The following ELOC variants were observed in gnomAD, a reference collection of about 807,000 sequenced individuals.
ELOC encodes elongin-C.
For synonymous variants in ELOC, 40 were observed against 51.3 expected (o/e 0.78, Z 0.94); for missense variants, 38 against 139.0 (o/e 0.27, Z 3.65).
chr8:73,962,071 T>C (rs958977603), intron 1 of ELOC, among the ~76,000 whole-genome samples: 1 of 150,668 alleles, frequency 6.6e-6, no homozygotes, highest in African/African-American at 2.4e-5. Flanking sequence ...AATTTTTGTA[T>C]TTTCAGTAGA....
intron 1 of ELOC, among the ~76,000 whole-genome samples, chr8:73,964,093 CAA>C (rs61094442): frequency 1.2e-5 from 1 of 80,348 alleles, no homozygotes; most frequent in Non-Finnish European, 2.2e-5. Context: ...AATTCCGTCT[CAA>C]AAAAAAAAAA....
At chr8:73,961,014 A>AT (rs1269615693) in intron 1 of ELOC, among the ~76,000 whole-genome samples, 2 of 152,208 alleles carry the variant, frequency 1.3e-5, no homozygotes, top group African/African-American at 4.8e-5. Flanking sequence ...GTACACATAC[A>AT]TATTTTTATG....
rs555903084 is a variant in ELOC at position 73,951,139 on chromosome 8, C to T, written c.149-4319G>A. On this transcript the variant is annotated intron_variant, in intron 3 of 3. Transcript: ENST00000520242. ...TACTAAAATTAGCTGGGCGTGGTGG[C>T]GGCATGCCTGTAATACCAGCTACTC... Among the ~76,000 whole-genome samples, 143 of 152,128 alleles carry T rather than the reference C, an allele frequency of 9.4e-4. 1 individual carries two copies. The highest frequency in any genetic ancestry group is 3.0e-3 in the African/African-American group (124 of 41,510).
At chr8:73,952,768 T>C (rs1813864426) in intron 3 of ELOC, among the ~76,000 whole-genome samples, 1 of 120,644 alleles carries the variant, frequency 8.3e-6, no homozygotes, top group Non-Finnish European at 1.8e-5. Context: ...GCAACAGGTG[T>C]CTCGAAAAAA....
intron 2 of ELOC, among the ~76,000 whole-genome samples, chr8:73,959,145 GGTAA>G (rs1263458801): frequency 1.3e-5 from 2 of 152,242 alleles, no homozygotes; most frequent in South Asian, 2.1e-4. Context: ...TGTGTGAGTT[GGTAA>G]GTGAGTGGTG....
At chr8:73,954,702 C>T (rs1029717917) in intron 3 of ELOC, among the ~76,000 whole-genome samples, 6 of 149,732 alleles carry the variant, frequency 4.0e-5, no homozygotes, top group African/African-American at 9.8e-5. Context: ...CTTGTTTTAT[C>T]TAGCTAGGAA....
At chr8:73,948,102 G>C (rs536120493) in intron 3 of ELOC, among the ~76,000 whole-genome samples, 4 of 151,638 alleles carry the variant, frequency 2.6e-5, no homozygotes, top group African/African-American at 9.7e-5. Flanking sequence ...TGAGGCAGGA[G>C]AATTTCTTGA....
intron 3 of ELOC, among the ~76,000 whole-genome samples, chr8:73,953,503 C>G (rs540035022): frequency 6.6e-6 from 1 of 151,566 alleles, no homozygotes; most frequent in African/African-American, 2.4e-5. Flanking sequence ...ATGGAGAAAC[C>G]CCGTCTCCAC....
At chr8:73,959,933 T>G in intron 1 of ELOC, 115 bp from the exon 2 acceptor site, 1 of 462,616 alleles carries the variant, frequency 2.2e-6, no homozygotes, top group Non-Finnish European at 3.8e-6. Context: ...CTGGTTACAT[T>G]ACGAGCTCAC....
chr8:73,970,297 T>G (rs1815265418), intron 1 of ELOC, among the ~76,000 whole-genome samples: 1 of 152,144 alleles, frequency 6.6e-6, no homozygotes, highest in Non-Finnish European at 1.5e-5. Context: ...TATTTTCCAG[T>G]GCTAAAAAAT....
chr8:73,948,885 GAAA>G (rs1813566598), intron 3 of ELOC, among the ~76,000 whole-genome samples: 4 of 145,400 alleles, frequency 2.8e-5, no homozygotes, highest in African/African-American at 1.1e-4. Flanking sequence ...GCAAGCAAAA[GAAA>G]CATTTCAGGA....
intron 1 of ELOC, among the ~76,000 whole-genome samples, chr8:73,971,690 C>T (rs1238488313): frequency 6.6e-6 from 1 of 152,064 alleles, no homozygotes; most frequent in Non-Finnish European, 1.5e-5. Context: ...AAGCGAGAGA[C>T]CTCTCCCTGG....
At chr8:73,971,310 A>G (rs1168698984) in intron 1 of ELOC, among the ~76,000 whole-genome samples, 1 of 152,148 alleles carries the variant, frequency 6.6e-6, no homozygotes, top group Non-Finnish European at 1.5e-5. Context: ...CTGAGGCAGG[A>G]GAATCACTTG....
chr8:73,972,212 A>G (rs1241933550), upstream of ELOC: 1 of 152,328 alleles, frequency 6.6e-6, no homozygotes, highest in Non-Finnish European at 1.5e-5. Context: ...GCTGGGTCAG[A>G]GCCGCTTTCG....
In ELOC at chr8:73,966,264, A is replaced by T. The variant is rs1038644658; in HGVS notation, c.-51+5813T>A. On this transcript the variant is annotated intron_variant, in intron 1 of 3. Transcript: ENST00000520242. ...TACGGCATGGTGAAGAACTAACATT[A>T]ACAGAGATCTGAAGAAAGCAAGGGA... Among the ~76,000 whole-genome samples the T allele has an allele frequency of 3.9e-5, 6 of 152,208 alleles. No homozygotes were observed. In the East Asian group the frequency reaches 1.2e-3, roughly 29 times the overall value.
In ELOC at chr8:73,959,666, C is replaced by T. The variant is rs1814459706; in HGVS notation, c.4+99G>A. 1.0e-5 allele frequency: 10 copies of T among 987,404 alleles called. No individual in the cohort carries two copies. In the East Asian group the frequency reaches 2.4e-4, roughly 23 times the overall value. The allele number at this position is 987,404 out of a possible 1,614,324, so 61.2% of individuals were successfully genotyped here. On this transcript the variant is annotated intron_variant, in intron 2 of 3. Coordinates refer to ENST00000520242, the MANE Select transcript of ELOC (RefSeq NM_005648.4). ...GTTGATGTGGACAACTAATTTCAGT[C>T]TACTGAAATTTTACTTGTGTTCACT...
chr8:73,952,111 A>G (rs572645172), intron 3 of ELOC, among the ~76,000 whole-genome samples: 9 of 152,334 alleles, frequency 5.9e-5, no homozygotes, highest in African/African-American at 1.9e-4. Flanking sequence ...ATTCTTATAT[A>G]TGACACAAAA....
At chr8:73,963,524 G>T (rs1022506983) in intron 1 of ELOC, among the ~76,000 whole-genome samples, 1 of 152,068 alleles carries the variant, frequency 6.6e-6, no homozygotes, top group Non-Finnish European at 1.5e-5. Context: ...TTTGCATCCC[G>T]TCATTTTTTT....
Position 73,965,212 on chromosome 8 carries a change from G to T in ELOC, c.-50-5394C>A, listed in dbSNP as rs963941854. 3.3e-5 allele frequency among the ~76,000 whole-genome samples: 5 copies of T among 151,844 alleles called. No individual in the cohort carries two copies. The East Asian group carries it at 9.6e-4, about 29-fold the overall frequency. ...AAAATCCAATTAAAGTTGGGCAGAA[G>T]AATTGAATGAACACATTAAAAAGTG... On this transcript the variant is annotated intron_variant, in intron 1 of 3. Transcript: ENST00000520242.
Sources: gnomAD v4.1 joint callset for allele counts (sites outside exome capture counted in the v4.1 genomes callset) on GRCh38, gnomAD v4.1.1 for gene constraint, MANE v1.5 for transcripts, NCBI Gene and HGNC (gene_info 2026-07-23, HGNC 2026-07-21) for gene names.